Variants in NFIB observed in about 807,000 individuals in gnomAD.
NFIB encodes the protein nuclear factor 1 B-type.
Under a neutral mutation model 61.5 loss-of-function variants are expected in NFIB, and 11 were observed. The observed-to-expected ratio is 0.18, with a 90% CI of 0.11 to 0.30. The LOEUF (loss-of-function observed/expected upper bound fraction) is 0.30. NFIB is among the 10% of genes least tolerant of loss of function. NFIB has a pLI of 1.00. For synonymous variants in NFIB, 260 were observed against 216.5 expected, an observed-to-expected ratio of 1.20 and a Z score of -1.76; for missense variants, 471 against 608.9, an observed-to-expected ratio of 0.77 and a Z score of 2.38.
At chr9:14,352,858 C>G (rs1023392357) in intron 1 of NFIB, among the ~76,000 whole-genome samples, 1 of 152,172 alleles carries the variant, frequency 6.6e-6, no homozygotes, top group African/African-American at 2.4e-5. Flanking sequence ...TTTCAGGAGT[C>G]TTTGTGAAAG....
the NFIB span, among the ~76,000 whole-genome samples, chr9:14,495,844 C>A: frequency 6.6e-6 from 1 of 152,184 alleles, no homozygotes; most frequent in African/African-American, 2.4e-5. Flanking sequence ...CACAGACTAT[C>A]TTAAATCTAT....
rs33918801 is a variant in NFIB at position 14,083,479 on chromosome 9, T to TAAAAAAAAAAAAAAAAAA, written c.*4812_*4829dup. On this transcript the variant is annotated 3_prime_UTR_variant, in exon 11 of 11. Coordinates refer to ENST00000380953, the MANE Select transcript of NFIB (RefSeq NM_001190737.2). ...TATTGAACTTGAATAGCCTGCACAT[T>TAAAAAAAAAAAAAAAAAA]AAAAAAAAAAAAAAAAAAAAAGTTT... 7.7e-6 allele frequency: 1 copy of TAAAAAAAAAAAAAAAAAA among 129,284 alleles called. No homozygotes were observed. The highest frequency in any genetic ancestry group is 1.5e-5 in the Non-Finnish European group (1 of 65,496). 8.0% of individuals were successfully genotyped at this position (129,284 alleles called of 1,614,324 possible). A position where few individuals can be genotyped will look rare whatever the true frequency, so the allele number is the denominator to read the frequency against.
chr9:14,353,720 G>A (rs932031451), intron 1 of NFIB, among the ~76,000 whole-genome samples: 2 of 152,142 alleles, frequency 1.3e-5, no homozygotes, highest in African/African-American at 4.8e-5. Context: ...GAGACCCGGG[G>A]ACCAGCTGGA....
the NFIB span, among the ~76,000 whole-genome samples, chr9:14,481,836 G>T: frequency 3.9e-5 from 6 of 151,952 alleles, no homozygotes; most frequent in African/African-American, 1.5e-4. Context: ...ATGCTTTTTG[G>T]TCCCCAACAC....
intron 2 of NFIB, among the ~76,000 whole-genome samples, chr9:14,187,605 T>C (rs1333759913): frequency 6.6e-6 from 1 of 152,170 alleles, no homozygotes; most frequent in African/African-American, 2.4e-5. Flanking sequence ...ACATCCCAGT[T>C]GTTTTATCAT....
intron 1 of NFIB, among the ~76,000 whole-genome samples, chr9:14,376,555 C>T (rs971819195): frequency 2.7e-5 from 4 of 146,462 alleles, no homozygotes; most frequent in East Asian, 2.0e-4. Flanking sequence ...TTCACTCTGT[C>T]GTTCAGGGTG....
intron 2 of NFIB, among the ~76,000 whole-genome samples, chr9:14,197,355 G>A (rs1161502341): frequency 1.3e-5 from 1 of 78,480 alleles, no homozygotes; most frequent in East Asian, 2.6e-4. Flanking sequence ...AATCTGATAG[G>A]ATGTCCCTAA....
At chr9:14,135,961 T>C (rs1563821933) in intron 6 of NFIB, among the ~76,000 whole-genome samples, 2 of 152,206 alleles carry the variant, frequency 1.3e-5, no homozygotes, top group Non-Finnish European at 2.9e-5. Flanking sequence ...TCTTGCCATA[T>C]ATTTTAGCCC....
chr9:14,424,859 C>A, the NFIB span, among the ~76,000 whole-genome samples: 3 of 152,094 alleles, frequency 2.0e-5, no homozygotes, highest in Non-Finnish European at 4.4e-5. Context: ...ACATGAGGGA[C>A]ATCTAGGCAA....
intron 2 of NFIB, among the ~76,000 whole-genome samples, chr9:14,263,221 T>C (rs529770243): frequency 2.2e-4 from 33 of 152,318 alleles, no homozygotes; most frequent in African/African-American, 7.7e-4. Context: ...GGTTTTTTTT[T>C]TCCCTTACTG....
At chr9:14,134,913 A>AAAAAAAAAG (rs1011872669) in intron 6 of NFIB, among the ~76,000 whole-genome samples, 235 of 133,356 alleles carry the variant, frequency 1.8e-3, no homozygotes, top group South Asian at 3.5e-3. Context: ...AAAAAAAAAA[A>AAAAAAAAAG]AAAAAAAGGA....
the NFIB span, among the ~76,000 whole-genome samples, chr9:14,432,160 T>C: frequency 4.6e-3 from 700 of 152,312 alleles, 2 homozygotes; most frequent in Non-Finnish European, 8.2e-3. Flanking sequence ...GGTAAGCCAA[T>C]AAGATCCTTC....
chr9:14,121,295 GCC>G, intron 7 of NFIB, among the ~76,000 whole-genome samples: 1 of 152,160 alleles, frequency 6.6e-6, no homozygotes, highest in South Asian at 2.1e-4. Context: ...TGTCTCATAA[GCC>G]CCATCTCAAA....
At chr9:14,196,795 T>C (rs1042342133) in intron 2 of NFIB, among the ~76,000 whole-genome samples, 20 of 152,180 alleles carry the variant, frequency 1.3e-4, no homozygotes, top group African/African-American at 4.8e-4. Flanking sequence ...TAATTAAGTG[T>C]TTTCTTAGGC....
intron 2 of NFIB, among the ~76,000 whole-genome samples, chr9:14,273,248 C>G (rs2057757024): frequency 6.6e-6 from 1 of 152,160 alleles, no homozygotes; most frequent in Admixed American, 6.5e-5. Flanking sequence ...CTCAGCTTCT[C>G]TGTGTATTAT....
chr9:14,517,922 G>C, the NFIB span, among the ~76,000 whole-genome samples: 1 of 152,156 alleles, frequency 6.6e-6, no homozygotes, highest in Admixed American at 6.5e-5. Context: ...TTCAAGATGA[G>C]TTAGGTGCCT....
intron 2 of NFIB, among the ~76,000 whole-genome samples, chr9:14,249,328 C>A (rs1456867091): frequency 6.6e-6 from 1 of 152,094 alleles, no homozygotes; most frequent in Non-Finnish European, 1.5e-5. Flanking sequence ...GAGATACTAC[C>A]TAAGATTTAG....
At chr9:14,089,652 C>G (rs1404630513) in intron 10 of NFIB, among the ~76,000 whole-genome samples, 2 of 152,116 alleles carry the variant, frequency 1.3e-5, no homozygotes, top group African/African-American at 2.4e-5. Context: ...AACATACTTT[C>G]GAGGTTTTAA....
chr9:14,402,337 T>C (rs1302217994), upstream of NFIB, among the ~76,000 whole-genome samples: 1 of 152,214 alleles, frequency 6.6e-6, no homozygotes, highest in Non-Finnish European at 1.5e-5. Context: ...GCAAATCCCA[T>C]TTTCTCTTTT....
Sources: gnomAD v4.1 joint callset for allele counts (sites outside exome capture counted in the v4.1 genomes callset) on GRCh38, gnomAD v4.1.1 for gene constraint, MANE v1.5 for transcripts, NCBI Gene and HGNC (gene_info 2026-07-23, HGNC 2026-07-21) for gene names.